Variants in SGK3 observed in about 807,000 individuals in gnomAD.
SGK3 encodes serum/glucocorticoid regulated kinase family member 3, also known as serine/threonine-protein kinase Sgk3.
SGK3 carries 47 observed loss-of-function variants against 68.5 expected under a neutral mutation model. That is an observed-to-expected ratio of 0.69 (90% CI 0.54 to 0.87). The LOEUF (loss-of-function observed/expected upper bound fraction) is 0.87. Ranked by LOEUF, SGK3 falls within the 40% of genes least tolerant of loss-of-function variation. The pLI is 0.00. For missense variants in SGK3, 479 were observed against 575.5 expected, an observed-to-expected ratio of 0.83 and a Z score of 1.72; for synonymous variants, 181 against 189.1, an observed-to-expected ratio of 0.96 and a Z score of 0.35.
rs551731581 is a variant in SGK3 at position 66,792,449 on chromosome 8, T to G, written c.-121-1167T>G. ...ATAATCAGTTAAAACTCATTATACC[T>G]GAATATTCAATGCCTGCTGATATAT... On this transcript the variant is annotated intron_variant, in intron 1 of 16. Transcript: ENST00000521198. 2.0e-5 allele frequency among the ~76,000 whole-genome samples: 3 copies of G among 152,280 alleles called. No homozygotes were observed. In the East Asian group the frequency reaches 5.8e-4, roughly 29 times the overall value.
At chr8:66,733,905 G>C (rs1805238366) in intron 1 of SGK3, among the ~76,000 whole-genome samples, 1 of 152,192 alleles carries the variant, frequency 6.6e-6, no homozygotes, top group African/African-American at 2.4e-5. Flanking sequence ...GCTTGGCATT[G>C]CTATGAATCC....
At chr8:66,810,785 C>CAT (rs982801832) in intron 4 of SGK3, among the ~76,000 whole-genome samples, 1 of 152,072 alleles carries the variant, frequency 6.6e-6, no homozygotes, top group African/African-American at 2.4e-5. Flanking sequence ...GGTTGGTAGC[C>CAT]ATTCTATGGG....
chr8:66,829,045 A>G (rs1179248152), intron 7 of SGK3, among the ~76,000 whole-genome samples: 1 of 151,534 alleles, frequency 6.6e-6, no homozygotes, highest in African/African-American at 2.4e-5. Flanking sequence ...AAGTCCTATG[A>G]GGTCCTCTGA....
At position 66,773,141 on chromosome 8, in the gene SGK3, G is replaced by A. The variant is rs549829983; in HGVS notation, c.-121-20475G>A. On this transcript the variant is annotated intron_variant, in intron 1 of 16. Coordinates refer to ENST00000521198, the MANE Select transcript of SGK3 (RefSeq NM_001033578.3). ...GGGAGGGATGTTAGTTGTAAGTTGT[G>A]GATTCTGTACATTGAGGAGACAGTC... Among the ~76,000 whole-genome samples the A allele has an allele frequency of 2.0e-5, 3 of 152,294 alleles. No individual in the cohort carries two copies. In the South Asian group the frequency reaches 6.2e-4, roughly 32 times the overall value.
At chr8:66,730,243 C>T (rs568274264) in intron 1 of SGK3, among the ~76,000 whole-genome samples, 1 of 152,188 alleles carries the variant, frequency 6.6e-6, no homozygotes, top group South Asian at 2.1e-4. Flanking sequence ...TACCCATTGG[C>T]CAACTGTGTA....
intron 1 of SGK3, among the ~76,000 whole-genome samples, chr8:66,780,770 T>C (rs532336124): frequency 6.6e-6 from 1 of 152,304 alleles, no homozygotes; most frequent in African/African-American, 2.4e-5. Context: ...TTGGATTTTA[T>C]TCTAAGAGTG....
intron 5 of SGK3, among the ~76,000 whole-genome samples, chr8:66,819,790 TTTTTTG>T (rs1189605167): frequency 5.9e-5 from 9 of 152,026 alleles, no homozygotes; most frequent in East Asian, 1.9e-4. Context: ...AGTTTTTGTT[TTTTTTG>T]TTTTTGTTTT....
chr8:66,851,913 T>C (rs765241094), intron 16 of SGK3, among the ~76,000 whole-genome samples: 2 of 152,316 alleles, frequency 1.3e-5, no homozygotes, highest in Non-Finnish European at 2.9e-5. Context: ...CTTACTACTA[T>C]TACTGTTTTT....
intron 1 of SGK3, among the ~76,000 whole-genome samples, chr8:66,731,525 T>C (rs1322877374): frequency 6.6e-6 from 1 of 152,146 alleles, no homozygotes; most frequent in Non-Finnish European, 1.5e-5. Flanking sequence ...CATTTATTTA[T>C]TTATTTATTT....
intron 1 of SGK3, among the ~76,000 whole-genome samples, chr8:66,764,855 T>G (rs895852857): frequency 9.2e-5 from 14 of 152,214 alleles, no homozygotes; most frequent in African/African-American, 3.4e-4. Context: ...CATAATGTTT[T>G]CAAGGTTCAT....
chr8:66,811,930 T>C (rs553550056), intron 4 of SGK3, among the ~76,000 whole-genome samples: 4 of 152,352 alleles, frequency 2.6e-5, no homozygotes, highest in Admixed American at 2.6e-4. Context: ...TGGAAGAGTT[T>C]AATGAGATAC....
intron 1 of SGK3, among the ~76,000 whole-genome samples, chr8:66,713,414 A>G (rs1237267307): frequency 1.3e-5 from 2 of 152,214 alleles, no homozygotes; most frequent in Admixed American, 1.3e-4. Flanking sequence ...TTGGAAAGAG[A>G]AAAGAGAAAG....
intron 15 of SGK3, among the ~76,000 whole-genome samples, chr8:66,848,400 GTATTAAC>G (rs1026487615): frequency 1.3e-5 from 2 of 152,134 alleles, no homozygotes; most frequent in African/African-American, 4.8e-5. Context: ...CTTCCTCTCT[GTATTAAC>G]TATTTCACAC....
intron 5 of SGK3, among the ~76,000 whole-genome samples, chr8:66,820,234 C>T (rs748572687): frequency 5.3e-5 from 8 of 152,164 alleles, no homozygotes; most frequent in Non-Finnish European, 1.2e-4. Context: ...ATTATCTCCT[C>T]CCCCAGCCCT....
chr8:66,788,609 A>G (rs369484852), intron 1 of SGK3, among the ~76,000 whole-genome samples: 2 of 152,210 alleles, frequency 1.3e-5, no homozygotes, highest in East Asian at 1.9e-4. Context: ...TGGCAGGCTC[A>G]TAGGTTACCC....
rs1486638362 is a variant in SGK3, at chr8:66,723,089, TCATATATATA to T, written c.-122+10257_-122+10266del. On this transcript the variant is annotated intron_variant, in intron 1 of 16. Coordinates refer to ENST00000521198, the MANE Select transcript of SGK3 (RefSeq NM_001033578.3). ...TAAACATTCAGAAGTAAGATTTTGT[TCATATATATA>T]TATATATATATATATATATATATAT... 9.2e-3 allele frequency among the ~76,000 whole-genome samples: 531 copies of T among 57,410 alleles called. 26 individuals are homozygous for T. The highest frequency in any genetic ancestry group is 0.029 in the African/African-American group (462 of 15,962). The allele number at this position is 57,410 out of a possible 152,430, so 37.7% of individuals were successfully genotyped here.
At chr8:66,840,971 T>A in intron 12 of SGK3, 53 bp from the exon 13 acceptor site, 2 of 1,325,862 alleles carry the variant, frequency 1.5e-6, no homozygotes, top group Non-Finnish European at 2.0e-6. Flanking sequence ...AACTGAAAAA[T>A]TGTCAATTCA....
At chr8:66,841,790 T>C (rs1465514514) in intron 13 of SGK3, among the ~76,000 whole-genome samples, 1 of 152,206 alleles carries the variant, frequency 6.6e-6, no homozygotes, top group Non-Finnish European at 1.5e-5. Flanking sequence ...TTTCTAATCA[T>C]GTTAGCTAGC....
At chr8:66,798,275 T>G (rs1399483744) in intron 2 of SGK3, among the ~76,000 whole-genome samples, 2 of 152,132 alleles carry the variant, frequency 1.3e-5, no homozygotes, top group Non-Finnish European at 2.9e-5. Context: ...CAGAAAGTGC[T>G]GAGATTACAG....
Sources: allele counts gnomAD v4.1 joint callset (sites outside exome capture counted in the v4.1 genomes callset), GRCh38; gene constraint gnomAD v4.1.1; transcripts MANE v1.5; gene names NCBI Gene and HGNC (gene_info 2026-07-23, HGNC 2026-07-21).